The following NBEA variants were observed in gnomAD, a reference collection of about 807,000 sequenced individuals.
NBEA encodes the protein neurobeachin.
Under a neutral mutation model 343.4 loss-of-function variants are expected in NBEA, and 44 were observed. The ratio of observed to expected loss-of-function variants is 0.13; its 90% CI spans 0.10 to 0.16. NBEA has a LOEUF of 0.16. Among genes scored for constraint, NBEA ranks in the 10% least tolerant of loss-of-function variants. The pLI, the probability that NBEA is intolerant of heterozygous loss-of-function variation, is 1.00. For missense variants in NBEA, 2,555 were observed against 3,631.3 expected (o/e 0.70, Z 7.62); for synonymous variants, 1,175 against 1,238.7 (o/e 0.95, Z 1.08).
chr13:35,479,588 A>G (rs1199360862), intron 41 of NBEA, among the ~76,000 whole-genome samples: 5 of 152,106 alleles, frequency 3.3e-5, no homozygotes, highest in Non-Finnish European at 5.9e-5. Context: ...ATTTTATGGG[A>G]GTAATATATT....
At chr13:34,989,353 G>A (rs769619495) in intron 1 of NBEA, among the ~76,000 whole-genome samples, 20 of 150,990 alleles carry the variant, frequency 1.3e-4, no homozygotes, top group Non-Finnish European at 2.7e-4. Context: ...AGATTTAATC[G>A]ATTCACATTT....
intron 30 of NBEA, among the ~76,000 whole-genome samples, chr13:35,188,906 GTTT>G (rs571102808): frequency 1.8e-5 from 2 of 109,774 alleles, no homozygotes; most frequent in South Asian, 2.9e-4. Context: ...TTTACTTTTT[GTTT>G]TTTTTTTTTT....
At chr13:35,067,408 T>C (rs2063694118) in intron 8 of NBEA, among the ~76,000 whole-genome samples, 2 of 152,132 alleles carry the variant, frequency 1.3e-5, no homozygotes, top group Non-Finnish European at 2.9e-5. Context: ...ATTCATACCT[T>C]CTTTTCTTCT....
chr13:35,439,901 C>T (rs936503901), intron 39 of NBEA, among the ~76,000 whole-genome samples: 37 of 151,908 alleles, frequency 2.4e-4, no homozygotes, highest in African/African-American at 8.2e-4. Flanking sequence ...GTTTTTGAGA[C>T]GGAGTTTCAC....
At chr13:35,157,468 A>C (rs914118433) in intron 21 of NBEA, among the ~76,000 whole-genome samples, 198 bp downstream of exon 21, 1 of 152,100 alleles carries the variant, frequency 6.6e-6, no homozygotes, top group Non-Finnish European at 1.5e-5. Context: ...TCAAACCCCA[A>C]ATTTATAAAT....
chr13:35,237,092 T>G (rs1413365844), intron 34 of NBEA, among the ~76,000 whole-genome samples: 2 of 151,928 alleles, frequency 1.3e-5, no homozygotes, highest in African/African-American at 2.4e-5. Flanking sequence ...ACCCTGTCCC[T>G]AGAAAAAATA....
chr13:35,091,312 G>T (rs1022208472), intron 10 of NBEA, among the ~76,000 whole-genome samples: 1 of 151,936 alleles, frequency 6.6e-6, no homozygotes, highest in Non-Finnish European at 1.5e-5. Flanking sequence ...GAAAAGAAGA[G>T]CCTCAGAACT....
chr13:35,022,671 C>T (rs926407952), intron 1 of NBEA, among the ~76,000 whole-genome samples: 6 of 152,048 alleles, frequency 3.9e-5, no homozygotes, highest in African/African-American at 1.4e-4. Flanking sequence ...GGCATGGTTT[C>T]TCTGGTATTC....
At chr13:35,051,837 T>C (rs1446815253) in intron 6 of NBEA, among the ~76,000 whole-genome samples, 2 of 152,060 alleles carry the variant, frequency 1.3e-5, no homozygotes, top group African/African-American at 4.8e-5. Context: ...TTAACAAATA[T>C]TCTAGGTAAC....
chr13:35,008,896 A>G (rs1277839307), intron 1 of NBEA, among the ~76,000 whole-genome samples: 2 of 152,140 alleles, frequency 1.3e-5, no homozygotes, highest in African/African-American at 4.8e-5. Context: ...TTTCATGGGC[A>G]TATTAAAATC....
chr13:35,613,441 A>G (rs961032462), intron 48 of NBEA, among the ~76,000 whole-genome samples: 1 of 152,132 alleles, frequency 6.6e-6, no homozygotes, highest in East Asian at 1.9e-4. Context: ...TTTAAAATCC[A>G]TTCATTCGTT....
intron 17 of NBEA, among the ~76,000 whole-genome samples, chr13:35,124,754 GTATGGATATATATACACACATA>G (rs1384343545): frequency 2.0e-5 from 3 of 150,184 alleles, no homozygotes; most frequent in African/African-American, 7.3e-5. Flanking sequence ...ACACACATAT[GTATGGATATATATACACACATA>G]TATGGATATA....
At chr13:35,345,327 C>T (rs2039811889) in intron 36 of NBEA, among the ~76,000 whole-genome samples, 1 of 152,172 alleles carries the variant, frequency 6.6e-6, no homozygotes, top group South Asian at 2.1e-4. Context: ...ATCTGAACAA[C>T]ATATTGCTTT....
intron 34 of NBEA, among the ~76,000 whole-genome samples, chr13:35,276,302 A>G (rs1033081254): frequency 4.0e-5 from 6 of 151,898 alleles, no homozygotes; most frequent in African/African-American, 1.5e-4. Context: ...GAAAATACCA[A>G]AAAAAAAGAG....
intron 1 of NBEA, among the ~76,000 whole-genome samples, chr13:34,997,587 A>G (rs1427315562): frequency 5.3e-5 from 8 of 152,226 alleles, no homozygotes; most frequent in Non-Finnish European, 1.5e-5. Flanking sequence ...ATATTTTTGC[A>G]TAATAATTCA....
intron 38 of NBEA, among the ~76,000 whole-genome samples, chr13:35,365,228 A>T (rs1268304315): frequency 6.6e-6 from 1 of 151,820 alleles, no homozygotes; most frequent in Non-Finnish European, 1.5e-5. Flanking sequence ...ATAGATTAGA[A>T]TTACATGAAA....
At chr13:35,113,593 CTATCTATCT>C (rs766833232) in intron 13 of NBEA, among the ~76,000 whole-genome samples, 3 of 150,192 alleles carry the variant, frequency 2.0e-5, no homozygotes, top group Non-Finnish European at 2.9e-5. Flanking sequence ...ACTCATCTAT[CTATCTATCT>C]ATCTATCTAT....
At chr13:35,230,775 A>G (rs563443156) in intron 33 of NBEA, among the ~76,000 whole-genome samples, 1 of 152,040 alleles carries the variant, frequency 6.6e-6, no homozygotes, top group East Asian at 1.9e-4. Context: ...AATAGTAAAT[A>G]CTCTCATTAA....
chr13:35,176,396 A>G (rs1243543971), intron 27 of NBEA, among the ~76,000 whole-genome samples: 1 of 152,064 alleles, frequency 6.6e-6, no homozygotes, highest in Admixed American at 6.6e-5. Flanking sequence ...TACTTGATTG[A>G]GTTTCAGGGA....
Sources: gnomAD v4.1 joint callset for allele counts (sites outside exome capture counted in the v4.1 genomes callset) on GRCh38, gnomAD v4.1.1 for gene constraint, MANE v1.5 for transcripts, NCBI Gene and HGNC (gene_info 2026-07-23, HGNC 2026-07-21) for gene names.